NOTCH4: variants seen among roughly 807,000 people sequenced by gnomAD.
NOTCH4 encodes the protein neurogenic locus notch homolog protein 4.
In NOTCH4, 138 loss-of-function variants were observed where a neutral mutation model predicts 189.0. The ratio of observed to expected loss-of-function variants is 0.73; its 90% confidence interval spans 0.64 to 0.84. The LOEUF (loss-of-function observed/expected upper bound fraction) is 0.84, where lower values mean the gene tolerates loss of function less well. Among genes scored for constraint, NOTCH4 ranks in the 40% least tolerant of loss-of-function variants. The pLI, the probability that NOTCH4 is intolerant of heterozygous loss-of-function variation, is 0.00. For synonymous variants in NOTCH4, 942 were observed against 1,032.8 expected, an observed-to-expected ratio of 0.91 and a Z score of 1.69; for missense variants, 2,286 against 2,605.4, an observed-to-expected ratio of 0.88 and a Z score of 2.67.
Position 32,197,304 on chromosome 6 carries a change from A to C in NOTCH4, c.5047T>G (p.Cys1683Gly). 6.6e-7 allele frequency: 1 copy of C among 1,523,988 alleles called. No individual in the cohort carries two copies. Among genetic ancestry groups the C allele is most frequent in the Non-Finnish European group, 8.8e-7 (1 of 1,139,906 alleles). The allele number at this position is 1,523,988 out of a possible 1,614,324, so 94.4% of individuals were successfully genotyped here. Reference sequence around the variant, plus strand: ...GGACCTCAGTGTGTGCTAACCTGGCAGACCTCCCGAGCATCAGCAGCCACA... The same window carrying C: ...GGACCTCAGTGTGTGCTAACCTGGCCGACCTCCCGAGCATCAGCAGCCACA... The part of the protein sequence containing the change: ...AAVAADAREV[C>G]QLLLRSRQTA... The change falls in exon 27 of 30, where the codon TGC (cysteine) becomes GGC (glycine). Residue 1683 changes from cysteine to glycine, a missense_variant. Physicochemically the swap from Cys to Gly is radical, Grantham distance 159. This residue lies in a region of NOTCH4 where 1,903 missense variants were observed against 2,261.9 expected (regional missense o/e 0.84). Coordinates refer to ENST00000375023, the MANE Select transcript of NOTCH4 (RefSeq NM_004557.4).
intron 19 of NOTCH4, 84 bp from the exon 20 acceptor site, chr6:32,203,966 G>T: frequency 7.0e-7 from 1 of 1,429,582 alleles, no homozygotes; most frequent in South Asian, 1.2e-5. Flanking sequence ...TTGGCCCAGT[G>T]CTAGATGTGC....
chr6:32,202,492 G>A lies in NOTCH4; in HGVS notation c.3339C>T (p.Arg1113=), dbSNP rs771881749. 5.6e-6 allele frequency: 9 copies of A among 1,612,492 alleles called. No homozygotes were observed. The highest frequency in any genetic ancestry group is 1.7e-5 in the Admixed American group (1 of 59,980). Residue 1113 remains arginine, a synonymous_variant, in exon 21 of 30, where the codon CGC becomes CGT. Coordinates refer to ENST00000375023, the MANE Select transcript of NOTCH4 (RefSeq NM_004557.4). The surrounding 1 kb of genome is among the most constrained non-coding windows in gnomAD (Gnocchi z 5.7). ...CCCCATAGCCACTGAGGCAGGCACA[G>A]CGTGGTGGGAAGCCTGGCTTAGGGG... ...LPSPKPGFPP[R]CACLSGYGGP...
In NOTCH4 at chr6:32,196,914, C is replaced by T. The variant is rs539997291; in HGVS notation, c.5200+11G>A. 1 of 1,612,892 alleles carries T rather than the reference C, an allele frequency of 6.2e-7. No homozygotes were observed. The highest frequency in any genetic ancestry group is 1.3e-5 in the African/African-American group (1 of 75,012). ...TTCTCTATAGCATACATCACCCCTT[C>T]CTCTACATACCCCATTTATCTCTGG... On this transcript the variant is annotated intron_variant, in intron 28 of 29. Transcript: ENST00000375023.
intron 29 of NOTCH4, 42 bp from the exon 30 acceptor site, chr6:32,196,192 C>T: frequency 6.3e-7 from 1 of 1,596,484 alleles, no homozygotes; most frequent in African/African-American, 1.3e-5. Context: ...AAGGCCACGC[C>T]CACAGGACTG....
chr6:32,206,874 G>C (rs1788706599), intron 18 of NOTCH4, among the ~76,000 whole-genome samples: 1 of 151,538 alleles, frequency 6.6e-6, no homozygotes, highest in Non-Finnish European at 1.5e-5. Flanking sequence ...ATGTAATAGA[G>C]AGCCCAGAAA....
rs1044506 is a variant in NOTCH4, at chr6:32,204,288, T to G, written c.2967A>C (p.Gly989=). 0.88 allele frequency: 1,424,088 copies of G among 1,613,012 alleles called. 630,810 individuals carry two copies. Among genetic ancestry groups the G allele is most frequent in the East Asian group, 1 (44,805 of 44,886 alleles). The part of the protein sequence containing the change: ...NHGTCTPKPG[G]FHCACPPGFV... ...AGCCTGGAGGGCAGGCACAGTGGAA[T>G]CCTCCAGGTTTGGGAGTACAGGTTC... The change falls in exon 19 of 30, where the codon GGA becomes GGC. Residue 989 remains glycine, a synonymous_variant. Coordinates refer to ENST00000375023, the MANE Select transcript of NOTCH4 (RefSeq NM_004557.4).
rs772779389 is a variant in NOTCH4 at position 32,198,989 on chromosome 6, G to A, written c.4472C>T (p.Pro1491Leu). ...TCGGTGGGGAGCTGACTGAGTCCGA[G>A]GCCGTCGAGTGAAACCAGGGGGCAG... Reference protein sequence around the residue: ...LWLPPGFTRRPRTQSAPHRRR... With the variant: ...LWLPPGFTRRLRTQSAPHRRR... Residue 1491 changes from proline (P) to leucine (L), a missense_variant, in exon 24 of 30, where the codon CCT becomes CTT. Physicochemically the swap from Pro to Leu is moderately conservative, Grantham distance 98 (BLOSUM62 -3). Around this residue, in one of 2 missense-constraint regions of NOTCH4, gnomAD observed 1,903 missense variants for 2,261.9 expected, o/e 0.84. Transcript: ENST00000375023. This position sits in a 1 kb window ranked among gnomAD's most constrained non-coding sequence, Gnocchi z 5.5. 2.7e-5 allele frequency: 43 copies of A among 1,611,386 alleles called. No individual in the cohort carries two copies. Among genetic ancestry groups the A allele is most frequent in the Non-Finnish European group, 3.4e-5 (40 of 1,179,082 alleles).
In NOTCH4 at chr6:32,219,688, A is replaced by T; in HGVS notation, c.1414T>A (p.Cys472Ser). ...AGGCACTCATTGTGATCAGCCTCAC[A>T]ACGGGAGCCTGTGTAGCCAGGTGGA... is the stretch of plus-strand genomic sequence containing the variant. ...LCPPGYTGSR[C>S]EADHNECLSQ... is the part of the protein sequence containing the mutation. The change falls in exon 8 of 30, where the codon TGT becomes AGT. Residue 472 changes from cysteine to serine, a missense_variant. Cys to Ser is a moderately radical substitution (Grantham distance 112). Transcript: ENST00000375023. The T allele has an allele frequency of 6.2e-7, 1 of 1,613,150 alleles. No homozygotes were observed. Among genetic ancestry groups the T allele is most frequent in the African/African-American group, 1.3e-5 (1 of 75,016 alleles).
chr6:32,215,482 C>T, intron 11 of NOTCH4, 97 bp from the exon 12 acceptor site: 3 of 1,225,886 alleles, frequency 2.4e-6, no homozygotes, highest in Non-Finnish European at 3.4e-6. Context: ...ACTTCTTATG[C>T]TTGCCTTACT....
chr6:32,216,934 C>T lies in NOTCH4; in HGVS notation c.1861+11G>A, dbSNP rs1331667450. 6.2e-7 allele frequency: 1 copy of T among 1,612,956 alleles called. No individual in the cohort carries two copies. The highest frequency in any genetic ancestry group is 1.3e-5 in the African/African-American group (1 of 74,938). ...ATTCTGCCAGTTCTTTCCAGTGCCT[C>T]CCCTGTGAACCTGTGAAACCAGAGG... On this transcript the variant is annotated intron_variant, in intron 11 of 29. Transcript: ENST00000375023.
chr6:32,214,280 G>T (rs1789233247), intron 12 of NOTCH4, 25 bp from the exon 13 acceptor site: 1 of 1,609,372 alleles, frequency 6.2e-7, no homozygotes, highest in South Asian at 1.1e-5. Flanking sequence ...AAAGGGGAGG[G>T]TTTTTCTCTT....
In NOTCH4 at chr6:32,220,705, G is replaced by A. The variant is rs777013247; in HGVS notation, c.922+51C>T. ...GAGCCCTATGAGTAGGGGAGGCCAG[G>A]GGCCAACTCTCTGGGCCATGGGTGT... On this transcript the variant is annotated intron_variant, in intron 5 of 29. Transcript: ENST00000375023. The A allele has an allele frequency of 5.6e-6, 9 of 1,612,674 alleles. No individual in the cohort carries two copies. In the African/African-American group the frequency reaches 1.1e-4, roughly 19 times the overall value.
rs770403231 is a variant in NOTCH4 at position 32,222,745 on chromosome 6, G to A, written c.217C>T (p.Leu73Phe). 2.6e-5 allele frequency: 42 copies of A among 1,612,588 alleles called. No homozygotes were observed. The highest frequency in any genetic ancestry group is 1.7e-4 in the Middle Eastern group (1 of 6,036). ...TGGCAGCTGCCTCCATTTTGGCAGA[G>A]CTGGGCGTTCTGGCAGGGGTCAGGA... Reference protein sequence around the residue: ...QFPDPCQNAQLCQNGGSCQAL... With the variant: ...QFPDPCQNAQFCQNGGSCQAL... Residue 73 changes from leucine to phenylalanine, a missense_variant, in exon 3 of 30, where the codon CTC becomes TTC. Leu to Phe is a conservative substitution (Grantham distance 22). Around this residue, in one of 2 missense-constraint regions of NOTCH4, gnomAD observed 1,903 missense variants for 2,261.9 expected, o/e 0.84. Coordinates refer to ENST00000375023, the MANE Select transcript of NOTCH4 (RefSeq NM_004557.4).
intron 18 of NOTCH4, among the ~76,000 whole-genome samples, chr6:32,205,079 G>T (rs917551766): frequency 6.6e-6 from 1 of 152,154 alleles, no homozygotes; most frequent in African/African-American, 2.4e-5. Context: ...AGGGTCATTG[G>T]CAAGATCTGT....
chr6:32,196,121 C>T lies in NOTCH4; in HGVS notation c.5328G>A (p.Arg1776=), dbSNP rs1436665215. The T allele has an allele frequency of 3.8e-6, 6 of 1,589,770 alleles. No individual in the cohort carries two copies. Among genetic ancestry groups the T allele is most frequent in the Non-Finnish European group, 5.1e-6 (6 of 1,175,084 alleles). The change falls in exon 30 of 30, where the codon CGG becomes CGA. Residue 1776 remains arginine, a synonymous_variant. Transcript: ENST00000375023. The part of the protein sequence containing the change: ...REQTPLFLAA[R]EGAVEVAQLL... ...GCTGGGCTACTTCCACCGCTCCTTC[C>T]CGCGCCGCCAGGAATAGCGGCGTCT...
rs368053473 is a variant in NOTCH4, at chr6:32,201,463, T to C, written c.3793A>G (p.Asn1265Asp). 1.6e-5 allele frequency: 25 copies of C among 1,526,728 alleles called. No individual in the cohort carries two copies. The highest frequency in any genetic ancestry group is 2.0e-5 in the Non-Finnish European group (23 of 1,138,922). 94.6% of individuals were successfully genotyped at this position (1,526,728 alleles called of 1,614,324 possible). A position where few individuals can be genotyped will look rare whatever the true frequency, so the allele number is the denominator to read the frequency against. Residue 1265 changes from asparagine (N) to aspartate (D), a missense_variant, in exon 22 of 30, where the codon AAC becomes GAC. Around this residue, in one of 2 missense-constraint regions of NOTCH4, gnomAD observed 1,903 missense variants for 2,261.9 expected, o/e 0.84. Transcript: ENST00000375023. The surrounding 1 kb of genome is among the most constrained non-coding windows in gnomAD (Gnocchi z 5.5). ...YDQYCHDHFH[N>D]GHCEKGCNTA... Reference sequence around the variant, plus strand: ...TTGCAGCCTTTCTCACAGTGCCCGTTGTGGAAGTGATCATGGCAGTACTGG... The same window carrying C: ...TTGCAGCCTTTCTCACAGTGCCCGTCGTGGAAGTGATCATGGCAGTACTGG...
At position 32,217,329 on chromosome 6, in the gene NOTCH4, G is replaced by A. The variant is rs1444710138; in HGVS notation, c.1625-63C>T. ...GTCATCGAGGGAGGCACAGCATGGC[G>A]CCTTCCCTTGCCAGGAAAGGTGAAC... On this transcript the variant is annotated intron_variant, in intron 9 of 29. Coordinates refer to ENST00000375023, the MANE Select transcript of NOTCH4 (RefSeq NM_004557.4). The surrounding 1 kb of genome is among the most constrained non-coding windows in gnomAD (Gnocchi z 4.2). The A allele has an allele frequency of 1.1e-5, 11 of 1,025,820 alleles. No homozygotes were observed. Among genetic ancestry groups the A allele is most frequent in the East Asian group, 2.5e-5 (1 of 40,770 alleles). The allele number at this position is 1,025,820 out of a possible 1,614,324, so 63.5% of individuals were successfully genotyped here.
intron 28 of NOTCH4, 80 bp from the exon 29 acceptor site, chr6:32,196,501 G>A: frequency 6.5e-7 from 1 of 1,547,734 alleles, no homozygotes; most frequent in Non-Finnish European, 8.8e-7. Context: ...TTCTGGCCTT[G>A]GGGGAAGGGC....
rs1219394249 is a variant in NOTCH4 at position 32,195,582 on chromosome 6, A to T, written c.5867T>A (p.Leu1956Gln). ...TDDWPCDWVA[L>Q]GACGSASNIP... ...GTTGGAGGCAGAACCGCAAGCTCCC[A>T]GGGCCACCCAATCACAGGGCCAGTC... The change falls in exon 30 of 30, where the codon CTG (leucine) becomes CAG (glutamine). Residue 1956 changes from leucine (L) to glutamine (Q), a missense_variant. Physicochemically the swap from Leu to Gln is moderately radical, Grantham distance 113. Around this residue, in one of 2 missense-constraint regions of NOTCH4, gnomAD observed 383 missense variants for 343.5 expected, o/e 1.11. Coordinates refer to ENST00000375023, the MANE Select transcript of NOTCH4 (RefSeq NM_004557.4). The surrounding 1 kb of genome is among the most constrained non-coding windows in gnomAD (Gnocchi z 5.4). 3.1e-6 allele frequency: 5 copies of T among 1,613,122 alleles called. No homozygotes were observed. The highest frequency in any genetic ancestry group is 1.7e-5 in the Admixed American group (1 of 60,022).
Sources: gnomAD v4.1 joint callset for allele counts (sites outside exome capture counted in the v4.1 genomes callset) on GRCh38, gnomAD v4.1.1 for gene constraint, gnomAD v4.1.1 regional missense constraint, Gnocchi (gnomAD v3.1) non-coding constraint, MANE v1.5 for transcripts, NCBI Gene and HGNC (gene_info 2026-07-23, HGNC 2026-07-21) for gene names.